Variants in MINK1 observed in about 807,000 individuals in gnomAD.
MINK1 encodes misshapen-like kinase 1.
In MINK1, 46 loss-of-function variants were observed where a neutral mutation model predicts 178.4. That is an observed-to-expected ratio of 0.26 (90% CI 0.20 to 0.33). The LOEUF is 0.33. Ranked by LOEUF, MINK1 falls within the 10% of genes least tolerant of loss-of-function variation. MINK1 has a pLI of 1.00. For synonymous variants in MINK1, 797 were observed against 709.7 expected, an observed-to-expected ratio of 1.12 and a Z score of -1.96; for missense variants, 1,366 against 1,814.9, an observed-to-expected ratio of 0.75 and a Z score of 4.49.
chr17:4,864,572 A>G (rs1215419605), intron 1 of MINK1, among the ~76,000 whole-genome samples: 1 of 145,272 alleles, frequency 6.9e-6, no homozygotes, highest in African/African-American at 2.6e-5. Flanking sequence ...TAAAAATACA[A>G]AAATTAGCCG....
intron 1 of MINK1, among the ~76,000 whole-genome samples, chr17:4,845,462 A>G (rs1475608595): frequency 6.6e-6 from 1 of 152,088 alleles, no homozygotes; most frequent in Admixed American, 6.6e-5. Context: ...TTAGGGGATG[A>G]AGATCATAGA....
chr17:4,884,601 C>G (rs538125699), intron 5 of MINK1, 128 bp downstream of exon 5: 15 of 711,964 alleles, frequency 2.1e-5, no homozygotes, highest in Non-Finnish European at 3.6e-5. Flanking sequence ...AGGCCTGATG[C>G]GGGTGGGATG....
intron 31 of MINK1, 137 bp from the exon 32 acceptor site, chr17:4,897,067 G>A (rs948232988): frequency 2.9e-5 from 25 of 874,988 alleles, no homozygotes; most frequent in Non-Finnish European, 4.3e-5. Flanking sequence ...CCGGGTGAGG[G>A]GCACTGTGAG....
intron 1 of MINK1, among the ~76,000 whole-genome samples, chr17:4,842,314 C>A (rs1201679118): frequency 6.6e-6 from 1 of 151,906 alleles, no homozygotes; most frequent in African/African-American, 2.4e-5. Context: ...TGGGACAGTG[C>A]ATCGAAGAAC....
chr17:4,891,349 C>T, intron 15 of MINK1, 107 bp from the exon 16 acceptor site: 3 of 1,412,766 alleles, frequency 2.1e-6, no homozygotes, highest in Non-Finnish European at 2.8e-6. Flanking sequence ...CCTTGTCCTT[C>T]AATGGAGGAA....
Position 4,860,935 on chromosome 17 carries a change from G to T in MINK1, c.58-17382G>T, listed in dbSNP as rs187072769. ...TTAAAGGGGGATTTAAGGCAGAGGA[G>T]CAGAGTCTGAGGGGACAGCTCGTGC... On this transcript the variant is annotated intron_variant, in intron 1 of 31. Transcript: ENST00000355280. Among the ~76,000 whole-genome samples, 313 of 152,354 alleles carry T rather than the reference G, an allele frequency of 2.1e-3. 1 individual carries two copies. Among genetic ancestry groups the T allele is most frequent in the Non-Finnish European group, 3.8e-3 (256 of 68,026 alleles).
intron 1 of MINK1, among the ~76,000 whole-genome samples, chr17:4,859,814 A>G (rs1036608915): frequency 1.3e-5 from 2 of 148,858 alleles, no homozygotes; most frequent in African/African-American, 4.9e-5. Context: ...AAAAAAAAAA[A>G]AGATGCTGGC....
chr17:4,843,524 G>T (rs1007357631), intron 1 of MINK1, among the ~76,000 whole-genome samples: 1 of 151,930 alleles, frequency 6.6e-6, no homozygotes, highest in Non-Finnish European at 1.5e-5. Flanking sequence ...GAAGTTGGTT[G>T]GTTCTAGTAA....
chr17:4,895,604 C>A lies in MINK1; in HGVS notation c.3230-94C>A. ...TGGAAGGTGGGGCCACACTTTCTCA[C>A]CCCTTGTGGTATGCTGACAGAGGAG... On this transcript the variant is annotated intron_variant, in intron 26 of 31. Transcript: ENST00000355280. The surrounding 1 kb of genome is among the most constrained non-coding windows in gnomAD (Gnocchi z 4.3). The A allele has an allele frequency of 1.3e-6, 2 of 1,557,886 alleles. No individual in the cohort carries two copies. Among genetic ancestry groups the A allele is most frequent in the Non-Finnish European group, 8.7e-7 (1 of 1,148,786 alleles).
In MINK1 at chr17:4,886,499, C is replaced by T. The variant is rs1968213940; in HGVS notation, c.822C>T (p.Tyr274=). The change falls in exon 10 of 32, where the codon TAC becomes TAT. Residue 274 remains tyrosine, a synonymous_variant. Transcript: ENST00000355280. The surrounding 1 kb of genome is among the most constrained non-coding windows in gnomAD (Gnocchi z 6.1). ...TTGACACATGTCTCATCAAGACTTA[C>T]CTGAGCCGCCCACCCACGGAGCAGC... is the stretch of plus-strand genomic sequence containing the variant. ...DFIDTCLIKT[Y]LSRPPTEQLL... is the part of the protein sequence containing the mutation. 3.1e-6 allele frequency: 5 copies of T among 1,613,210 alleles called. No individual in the cohort carries two copies. Among genetic ancestry groups the T allele is most frequent in the South Asian group, 1.1e-5 (1 of 91,036 alleles).
Position 4,839,939 on chromosome 17 carries a change from ATGTGTGTGTGTG to A in MINK1, c.57+6334_57+6345del, listed in dbSNP as rs34473686. Among the ~76,000 whole-genome samples, 702 of 141,928 alleles carry A rather than the reference ATGTGTGTGTGTG, an allele frequency of 4.9e-3. 3 individuals carry two copies. The highest frequency in any genetic ancestry group is 0.011 in the Middle Eastern group (3 of 282). The allele number at this position is 141,928 out of a possible 152,430, so 93.1% of individuals were successfully genotyped here. ...ACATTAATCAAGTAATTATTTATTA[ATGTGTGTGTGTG>A]TGTGTGTGTGTGTGTGTGTGTGTGT... On this transcript the variant is annotated intron_variant, in intron 1 of 31. Coordinates refer to ENST00000355280, the MANE Select transcript of MINK1 (RefSeq NM_153827.5).
At chr17:4,853,439 TTGG>T (rs1326922365) in intron 1 of MINK1, among the ~76,000 whole-genome samples, 2 of 45,408 alleles carry the variant, frequency 4.4e-5, no homozygotes, top group South Asian at 9.1e-4. Context: ...GGGAGTGTGG[TTGG>T]TGGGGGGAGT....
intron 1 of MINK1, among the ~76,000 whole-genome samples, chr17:4,869,203 T>C (rs1023413589): frequency 8.6e-5 from 13 of 150,956 alleles, no homozygotes; most frequent in Admixed American, 2.6e-4. Flanking sequence ...GGATTACAGA[T>C]GTGAGCCACC....
chr17:4,843,955 G>A (rs1283041478), intron 1 of MINK1, among the ~76,000 whole-genome samples: 4 of 152,080 alleles, frequency 2.6e-5, no homozygotes, highest in Admixed American at 6.6e-5. Context: ...TGTGTAGCTG[G>A]CACTCTAGAC....
rs757313983 is a variant in MINK1, at chr17:4,896,288, C to T, written c.3561C>T (p.Phe1187=). Residue 1187 remains phenylalanine, a synonymous_variant, in exon 29 of 32, where the codon TTC becomes TTT. Transcript: ENST00000355280. The surrounding 1 kb of genome is among the most constrained non-coding windows in gnomAD (Gnocchi z 4.6). ...LKVIYGSSAG[F]HAVDVDSGNS... ...TCATCTATGGCTCCAGTGCTGGCTTCCATGCTGTGGATGTCGACTCGGGGA... is the reference window on the plus strand; with the variant it reads ...TCATCTATGGCTCCAGTGCTGGCTTTCATGCTGTGGATGTCGACTCGGGGA... 5.6e-6 allele frequency: 9 copies of T among 1,605,924 alleles called. No individual in the cohort carries two copies. The highest frequency in any genetic ancestry group is 4.0e-5 in the African/African-American group (3 of 74,800).
In MINK1 at chr17:4,893,052, G is replaced by T. The variant is rs372644622; in HGVS notation, c.2385G>T (p.Arg795=). ...CCAAGCCCGACGACCACCGCTCACG[G>T]CCAGGCCGGCCCGCAGTGAGTCACC... The part of the protein sequence containing the change: ...NKAKPDDHRS[R]PGRPADFVLL... Residue 795 remains arginine (R), a synonymous_variant, in exon 20 of 32, where the codon CGG becomes CGT. Transcript: ENST00000355280. 4.0e-5 allele frequency: 63 copies of T among 1,566,434 alleles called. No homozygotes were observed. In the African/African-American group the frequency reaches 6.4e-4, roughly 16 times the overall value.
rs754635613 is a variant in MINK1, at chr17:4,894,036, CGAG to C, written c.2617_2619del (p.Glu873del). 15 of 1,590,888 alleles carry C rather than the reference CGAG, an allele frequency of 9.4e-6. No individual in the cohort carries two copies. The highest frequency in any genetic ancestry group is 5.6e-5 in the South Asian group (5 of 88,904). The stretch of plus-strand genomic sequence containing the variant: ...TCAGCACCATGGTGGTCCACGACGT[CGAG>C]GAGATCACCGGGACCCAGCCCCCAT... On this transcript the variant is annotated inframe_deletion, in exon 22 of 32. Transcript: ENST00000355280. This position sits in a 1 kb window ranked among gnomAD's most constrained non-coding sequence, Gnocchi z 4.1.
Position 4,894,534 on chromosome 17 carries a change from C to G in MINK1, c.2818C>G (p.Arg940Gly), listed in dbSNP as rs796373760. The change falls in exon 24 of 32, where the codon CGT becomes GGT. Residue 940 changes from arginine to glycine, a missense_variant. Arg to Gly is a moderately radical substitution (Grantham distance 125, BLOSUM62 -2). This residue lies in a region of MINK1 where 709 missense variants were observed against 692.3 expected (regional missense o/e 1.02). Transcript: ENST00000355280. The surrounding 1 kb of genome is among the most constrained non-coding windows in gnomAD (Gnocchi z 4.1). ...TGTCCCCCTACCACAGTACCAGTCT[C>G]GTGGGCTGGTAAAGGCCCCTGGCAA... ...SKDGSGDYQS[R>G]GLVKAPGKSS... The G allele has an allele frequency of 6.2e-7, 1 of 1,600,318 alleles. No individual in the cohort carries two copies. The highest frequency in any genetic ancestry group is 8.5e-7 in the Non-Finnish European group (1 of 1,173,118).
At chr17:4,891,192 A>ACACG (rs1555541403) in intron 15 of MINK1, 68 bp downstream of exon 15, 1 of 1,088,194 alleles carries the variant, frequency 9.2e-7, no homozygotes, top group African/African-American at 1.9e-5. Flanking sequence ...AGGTACACAC[A>ACACG]CACGCGCGCA....
Sources: gnomAD v4.1 joint callset for allele counts (sites outside exome capture counted in the v4.1 genomes callset) on GRCh38, gnomAD v4.1.1 for gene constraint, gnomAD v4.1.1 regional missense constraint, Gnocchi (gnomAD v3.1) non-coding constraint, MANE v1.5 for transcripts, NCBI Gene and HGNC (gene_info 2026-07-23, HGNC 2026-07-21) for gene names.